The following LRATD1 variants were observed in gnomAD, a reference collection of about 807,000 sequenced individuals.
LRATD1 encodes the protein LRAT domain containing 1, also known as protein LRATD1.
Under a neutral mutation model 21.3 loss-of-function variants are expected in LRATD1, and 8 were observed. That is an observed-to-expected ratio of 0.38 (90% CI 0.22 to 0.68). The LOEUF is 0.68. LRATD1 is among the 30% of genes least tolerant of loss of function. The probability of loss-of-function intolerance (pLI) is 0.54; values close to 1 mark genes in which losing one functional copy is unlikely to be tolerated. For synonymous variants in LRATD1, 210 were observed against 186.2 expected (o/e 1.13, Z -1.04); for missense variants, 380 against 404.0 (o/e 0.94, Z 0.51).
downstream of LRATD1, among the ~76,000 whole-genome samples, chr2:14,643,871 C>T (rs1426487132): frequency 6.6e-6 from 1 of 152,150 alleles, no homozygotes. Flanking sequence ...ACCTGATTGC[C>T]TTCTGAAATA....
rs1268729327 is a variant in LRATD1, at chr2:14,638,937, T to A, written c.*4079T>A. On this transcript the variant is annotated 3_prime_UTR_variant, in exon 2 of 2. Transcript: ENST00000295092. ...CTCAAGTCAATGTTTTTTTTGAAAT[T>A]ACTAGCTATTGGTATAATATACATA... is the stretch of plus-strand genomic sequence containing the variant. 6.0e-6 allele frequency: 1 copy of A among 166,990 alleles called. No homozygotes were observed. The highest frequency in any genetic ancestry group is 1.5e-5 in the Non-Finnish European group (1 of 68,102). 10.3% of individuals were successfully genotyped at this position (166,990 alleles called of 1,614,324 possible).
chr2:14,648,938 G>A (rs560756556), intron 4 of LRATD1, among the ~76,000 whole-genome samples: 1 of 152,098 alleles, frequency 6.6e-6, no homozygotes, highest in East Asian at 1.9e-4. Flanking sequence ...CCTGTCACTG[G>A]GTAAAGTCAG....
rs1317501451 is a variant in LRATD1 at position 14,638,198 on chromosome 2, T to A, written c.*3340T>A. ...AAAACCAGTCCTGAAATGCTGTTAT[T>A]CTCAAAGTACATTCCAAAAAAAAAA... On this transcript the variant is annotated 3_prime_UTR_variant, in exon 2 of 2. Transcript: ENST00000295092. 1 of 152,498 alleles carries A rather than the reference T, an allele frequency of 6.6e-6. No homozygotes were observed. The highest frequency in any genetic ancestry group is 1.5e-5 in the Non-Finnish European group (1 of 66,380). The allele number at this position is 152,498 out of a possible 1,614,324, so 9.4% of individuals were successfully genotyped here. A position where few individuals can be genotyped will look rare whatever the true frequency, so the allele number is the denominator to read the frequency against.
rs754059629 is a variant in LRATD1, at chr2:14,634,049, A to G, written c.70A>G (p.Ile24Val). The G allele has an allele frequency of 1.9e-6, 3 of 1,614,078 alleles. No homozygotes were observed. In the East Asian group the frequency reaches 6.7e-5, roughly 36 times the overall value. ...SELPTGDPSG[I>V]EKDELRVGVA... ...GTTGCCCACAGGGGACCCGTCGGGG[A>G]TTGAAAAGGACGAACTGCGGGTCGG... The change falls in exon 2 of 2, where the codon ATT (isoleucine) becomes GTT (valine). Residue 24 changes from isoleucine (I) to valine (V), a missense_variant. By Grantham distance (29) the Ile-to-Val change is conservative (BLOSUM62 3). Transcript: ENST00000295092.
Position 14,633,632 on chromosome 2 carries a change from G to T in LRATD1, c.-36-312G>T. The T allele has an allele frequency of 3.4e-6, 1 of 293,286 alleles. No individual in the cohort carries two copies. Among genetic ancestry groups the T allele is most frequent in the Non-Finnish European group, 6.5e-6 (1 of 155,036 alleles). 18.2% of individuals were successfully genotyped at this position (293,286 alleles called of 1,614,324 possible). A position where few individuals can be genotyped will look rare whatever the true frequency, so the allele number is the denominator to read the frequency against. ...GGTGTCCGTCTCCCACACTGCCACA[G>T]CCAGCACTCTCCTCCCCACCGGGAC... On this transcript the variant is annotated intron_variant, in intron 1 of 1. Coordinates refer to ENST00000295092, the MANE Select transcript of LRATD1 (RefSeq NM_145175.4). This position sits in a 1 kb window ranked among gnomAD's most constrained non-coding sequence, Gnocchi z 7.5.
Position 14,635,842 on chromosome 2 carries a change from A to G in LRATD1, c.*984A>G. 1 of 369,326 alleles carries G rather than the reference A, an allele frequency of 2.7e-6. No individual in the cohort carries two copies. The highest frequency in any genetic ancestry group is 7.4e-5 in the East Asian group (1 of 13,442). The allele number at this position is 369,326 out of a possible 1,614,324, so 22.9% of individuals were successfully genotyped here. ...ACATGGCACCATTCCAGAAACCAGC[A>G]TTGTTACAACACCATAGCCAGTATA... is the stretch of plus-strand genomic sequence containing the variant. On this transcript the variant is annotated 3_prime_UTR_variant, in exon 2 of 2. Coordinates refer to ENST00000295092, the MANE Select transcript of LRATD1 (RefSeq NM_145175.4).
At chr2:14,644,242 A>T (rs1001014885), downstream of LRATD1, among the ~76,000 whole-genome samples, 10 of 152,286 alleles carry the variant, frequency 6.6e-5, no homozygotes, top group African/African-American at 2.4e-4. Context: ...TTTTTTAAAA[A>T]ATACCATAGG....
At chr2:14,642,032 A>C (rs1671811825), downstream of LRATD1, 1 of 152,178 alleles carries the variant, frequency 6.6e-6, no homozygotes, top group African/African-American at 2.4e-5. Context: ...TAACACTTGC[A>C]GTAGGTGCTA....
chr2:14,639,095 C>A lies in LRATD1; in HGVS notation c.*4237C>A, dbSNP rs937563006. 1 of 142,274 alleles carries A rather than the reference C, an allele frequency of 7.0e-6. No individual in the cohort carries two copies. Among genetic ancestry groups the A allele is most frequent in the African/African-American group, 3.7e-5 (1 of 27,206 alleles). 8.8% of individuals were successfully genotyped at this position (142,274 alleles called of 1,614,324 possible). ...TTTTGCCTATAGCTAGCAATTATTT[C>A]ATTCAGATACACACACACACACACA... On this transcript the variant is annotated 3_prime_UTR_variant, in exon 2 of 2. Coordinates refer to ENST00000295092, the MANE Select transcript of LRATD1 (RefSeq NM_145175.4).
Position 14,635,621 on chromosome 2 carries a change from G to A in LRATD1, c.*763G>A, listed in dbSNP as rs1317334015. 3 of 470,846 alleles carry A rather than the reference G, an allele frequency of 6.4e-6. No homozygotes were observed. Among genetic ancestry groups the A allele is most frequent in the Admixed American group, 2.3e-5 (1 of 42,570 alleles). The allele number at this position is 470,846 out of a possible 1,614,324, so 29.2% of individuals were successfully genotyped here. ...AGAAGGGAAGCCGGCCCGGTCCCGG[G>A]AGGAAGATGGCGCTGCGAATTCGGT... On this transcript the variant is annotated 3_prime_UTR_variant, in exon 2 of 2. Transcript: ENST00000295092.
chr2:14,647,311 C>T (rs1388765620), intron 4 of LRATD1, among the ~76,000 whole-genome samples: 1 of 152,036 alleles, frequency 6.6e-6, no homozygotes. Flanking sequence ...AATGGGTCTT[C>T]TCTTACTTAT....
chr2:14,645,525 A>T (rs1572303132), intron 2 of LRATD1, among the ~76,000 whole-genome samples: 1 of 152,298 alleles, frequency 6.6e-6, no homozygotes, highest in South Asian at 2.1e-4. Context: ...TTAATAAATT[A>T]AATTTATCTG....
Position 14,634,969 on chromosome 2 carries a change from C to CG in LRATD1, c.*112dup. 1 of 1,374,712 alleles carries CG rather than the reference C, an allele frequency of 7.3e-7. No individual in the cohort carries two copies. The highest frequency in any genetic ancestry group is 9.8e-7 in the Non-Finnish European group (1 of 1,020,386). 85.2% of individuals were successfully genotyped at this position (1,374,712 alleles called of 1,614,324 possible). A position where few individuals can be genotyped will look rare whatever the true frequency, so the allele number is the denominator to read the frequency against. On this transcript the variant is annotated 3_prime_UTR_variant, in exon 2 of 2. Transcript: ENST00000295092. Reference sequence around the variant, plus strand: ...TCAACCTCTGCCCCGCCCCGCCACGCGCGTCCGCCGCCGGTGGCCCGGGCC... The same window carrying CG: ...TCAACCTCTGCCCCGCCCCGCCACGCGGCGTCCGCCGCCGGTGGCCCGGGCC...
chr2:14,650,503 T>C (rs549383600), downstream of LRATD1: 1 of 152,324 alleles, frequency 6.6e-6, no homozygotes, highest in Admixed American at 6.5e-5. Flanking sequence ...AAATTGTCTA[T>C]AATTCTACTA....
chr2:14,645,936 A>G (rs1241389332), intron 2 of LRATD1, among the ~76,000 whole-genome samples: 1 of 152,194 alleles, frequency 6.6e-6, no homozygotes, highest in Admixed American at 6.5e-5. Context: ...ACAAATAGGG[A>G]CACTGAGGCT....
downstream of LRATD1, among the ~76,000 whole-genome samples, chr2:14,641,775 A>G (rs1016368546): frequency 3.3e-5 from 5 of 152,106 alleles, no homozygotes; most frequent in African/African-American, 9.7e-5. Flanking sequence ...ATGGCTTTCT[A>G]TGTTGTCCCC....
In LRATD1 at chr2:14,633,762, T is replaced by TGGC. The variant is rs749109832; in HGVS notation, c.-36-178_-36-176dup. The TGGC allele has an allele frequency of 3.3e-5, 20 of 614,380 alleles. No homozygotes were observed. The highest frequency in any genetic ancestry group is 7.4e-5 in the African/African-American group (4 of 54,094). The allele number at this position is 614,380 out of a possible 1,614,324, so 38.1% of individuals were successfully genotyped here. A position where few individuals can be genotyped will look rare whatever the true frequency, so the allele number is the denominator to read the frequency against. On this transcript the variant is annotated intron_variant, in intron 1 of 1. Coordinates refer to ENST00000295092, the MANE Select transcript of LRATD1 (RefSeq NM_145175.4). The surrounding 1 kb of genome is among the most constrained non-coding windows in gnomAD (Gnocchi z 7.5). ...GTGGCGTCTGCTCTCGCCTGACCTG[T>TGGC]GGCGGCTTCTCCGCCCCTCGTACCC...
rs1671740423 is a variant in LRATD1, at chr2:14,638,451, CT to C, written c.*3594del. 2 of 167,044 alleles carry C rather than the reference CT, an allele frequency of 1.2e-5. No homozygotes were observed. The highest frequency in any genetic ancestry group is 3.9e-4 in the East Asian group (2 of 5,188). The allele number at this position is 167,044 out of a possible 1,614,324, so 10.3% of individuals were successfully genotyped here. ...TTGAAACTTTAATGTTTACCTTCCC[CT>C]ATGTTTAATTTTTCTGTGGTGAACA... On this transcript the variant is annotated 3_prime_UTR_variant, in exon 2 of 2. Transcript: ENST00000295092.
intron 4 of LRATD1, among the ~76,000 whole-genome samples, chr2:14,648,206 T>G (rs1349041933): frequency 6.6e-6 from 1 of 152,174 alleles, no homozygotes; most frequent in Non-Finnish European, 1.5e-5. Context: ...GAGGCATCAG[T>G]TCCTCATAGA....
Sources: gnomAD v4.1 joint callset for allele counts (sites outside exome capture counted in the v4.1 genomes callset) on GRCh38, gnomAD v4.1.1 for gene constraint, Gnocchi (gnomAD v3.1) non-coding constraint, MANE v1.5 for transcripts, NCBI Gene and HGNC (gene_info 2026-07-23, HGNC 2026-07-21) for gene names.